Variants in LRBA observed in about 807,000 individuals in gnomAD.
The protein encoded by LRBA is lipopolysaccharide-responsive and beige-like anchor protein.
LRBA carries 176 observed loss-of-function variants against 330.0 expected under a neutral mutation model. The ratio of observed to expected loss-of-function variants is 0.53; its 90% CI spans 0.47 to 0.60. LRBA has a LOEUF of 0.60. LRBA is among the 20% of genes least tolerant of loss of function. LRBA has a pLI of 0.00. For synonymous variants in LRBA, 1,230 were observed against 1,193.0 expected (o/e 1.03, Z -0.64); for missense variants, 3,259 against 3,444.8 (o/e 0.95, Z 1.35).
chr4:150,915,043 T>C (rs991905996), intron 8 of LRBA, among the ~76,000 whole-genome samples: 2 of 152,150 alleles, frequency 1.3e-5, no homozygotes, highest in Non-Finnish European at 2.9e-5. Flanking sequence ...AGGTTAGCAT[T>C]ACAAAATATG....
In LRBA at chr4:150,697,325, GAAAAAAA is replaced by G. The variant is rs60145657; in HGVS notation, c.5755-13615_5755-13609del. On this transcript the variant is annotated intron_variant, in intron 36 of 56. Transcript: ENST00000651943. The stretch of plus-strand genomic sequence containing the variant: ...GGTGACAGAGTGAGACTTTGTCTCA[GAAAAAAA>G]AAAAAAAAAAAAAAAAAAACAGGGA... Among the ~76,000 whole-genome samples the G allele has an allele frequency of 1.3e-3, 36 of 28,054 alleles. 2 individuals are homozygous for G. Among genetic ancestry groups the G allele is most frequent in the Middle Eastern group, 0.045 (1 of 22 alleles). The allele number at this position is 28,054 out of a possible 152,430, so 18.4% of individuals were successfully genotyped here. A position where few individuals can be genotyped will look rare whatever the true frequency, so the allele number is the denominator to read the frequency against.
chr4:150,457,129 A>G (rs546632674), intron 44 of LRBA, among the ~76,000 whole-genome samples: 1 of 152,214 alleles, frequency 6.6e-6, no homozygotes, highest in South Asian at 2.1e-4. Flanking sequence ...TGCTCCCACA[A>G]TAATATGATT....
chr4:150,622,842 C>T (rs1258732873), intron 37 of LRBA, among the ~76,000 whole-genome samples: 1 of 152,014 alleles, frequency 6.6e-6, no homozygotes, highest in Non-Finnish European at 1.5e-5. Context: ...GGACTACAGG[C>T]GCCCGCCACC....
intron 40 of LRBA, among the ~76,000 whole-genome samples, chr4:150,508,222 A>G (rs1263526868): frequency 2.5e-5 from 3 of 120,694 alleles, no homozygotes; most frequent in African/African-American, 1.0e-4. Flanking sequence ...AACTTAAAAT[A>G]ATAAAATTTA....
chr4:150,727,332 C>T (rs1729839709), intron 36 of LRBA, among the ~76,000 whole-genome samples: 1 of 152,038 alleles, frequency 6.6e-6, no homozygotes. Context: ...CCTCAGCCTC[C>T]CAAAGTGCTG....
rs1042681101 is a variant in LRBA at position 150,890,820 on chromosome 4, T to C, written c.2165+2232A>G. ...AAAATTCACACACTAAGACTAAAAG[T>C]ATAAAGTATAGACTTTCCTTGCCCA... On this transcript the variant is annotated intron_variant, in intron 17 of 56. Coordinates refer to ENST00000651943, the MANE Select transcript of LRBA (RefSeq NM_001364905.1). Among the ~76,000 whole-genome samples the C allele has an allele frequency of 2.6e-5, 4 of 152,270 alleles. No individual in the cohort carries two copies. In the South Asian group the frequency reaches 6.2e-4, roughly 24 times the overall value.
chr4:150,602,335 T>C (rs1419098689), intron 37 of LRBA, among the ~76,000 whole-genome samples: 1 of 152,222 alleles, frequency 6.6e-6, no homozygotes, highest in Non-Finnish European at 1.5e-5. Context: ...GCTATTAGTC[T>C]CATTTGAGAA....
intron 4 of LRBA, among the ~76,000 whole-genome samples, chr4:150,923,297 C>G (rs1733523468): frequency 6.6e-6 from 1 of 151,974 alleles, no homozygotes; most frequent in Non-Finnish European, 1.5e-5. Context: ...TTCTTACTCT[C>G]CCCTTCTCCC....
intron 17 of LRBA, among the ~76,000 whole-genome samples, chr4:150,879,401 A>T (rs1382157717): frequency 6.6e-6 from 1 of 152,204 alleles, no homozygotes; most frequent in Admixed American, 6.5e-5. Flanking sequence ...GTAAACCCAC[A>T]GCTAACATCA....
intron 37 of LRBA, among the ~76,000 whole-genome samples, chr4:150,632,509 A>C (rs2126675879): frequency 6.6e-6 from 1 of 152,308 alleles, no homozygotes; most frequent in African/African-American, 2.4e-5. Flanking sequence ...CATCAGAACA[A>C]AAGAGAACTA....
chr4:150,550,226 C>T (rs936558028), intron 40 of LRBA, among the ~76,000 whole-genome samples: 3 of 151,998 alleles, frequency 2.0e-5, no homozygotes, highest in African/African-American at 7.2e-5. Context: ...TTTAATTGGT[C>T]AGTTAAAGTA....
intron 47 of LRBA, among the ~76,000 whole-genome samples, chr4:150,361,675 T>G (rs1738711067): frequency 1.3e-5 from 2 of 152,170 alleles, no homozygotes. Context: ...GCCTCTGGTA[T>G]AACCCAGGCT....
chr4:150,899,126 G>A (rs1730441839), intron 14 of LRBA, among the ~76,000 whole-genome samples: 1 of 152,126 alleles, frequency 6.6e-6, no homozygotes, highest in South Asian at 2.1e-4. Context: ...CTTAGGGGAT[G>A]CCTCCATTTC....
chr4:150,368,926 G>GT (rs1739872344), intron 47 of LRBA, among the ~76,000 whole-genome samples: 2 of 152,148 alleles, frequency 1.3e-5, no homozygotes, highest in South Asian at 4.1e-4. Flanking sequence ...AGATTAAACT[G>GT]TTTGGAGTGT....
At chr4:150,273,498 A>T (rs1746394031) in intron 56 of LRBA, among the ~76,000 whole-genome samples, 1 of 152,340 alleles carries the variant, frequency 6.6e-6, no homozygotes, top group South Asian at 2.1e-4. Context: ...AAATGCTCCA[A>T]TTAAAAGACA....
intron 17 of LRBA, among the ~76,000 whole-genome samples, chr4:150,873,240 A>T (rs1579061166): frequency 6.6e-6 from 1 of 152,336 alleles, no homozygotes; most frequent in East Asian, 1.9e-4. Flanking sequence ...AACTGCTAAA[A>T]ATAAATTTCT....
chr4:150,871,827 T>C (rs1282867635), intron 18 of LRBA, among the ~76,000 whole-genome samples: 5 of 152,116 alleles, frequency 3.3e-5, no homozygotes, highest in African/African-American at 1.2e-4. Context: ...AATACTTAAG[T>C]AGAAAAACAA....
chr4:150,582,924 G>A (rs995515298), intron 40 of LRBA: 2 of 1,340,366 alleles, frequency 1.5e-6, no homozygotes, highest in Non-Finnish European at 2.0e-6. Flanking sequence ...TTAACGGGGA[G>A]CGCACCGCCT....
rs1255533822 is a variant in LRBA, at chr4:150,453,084, T to C, written c.6780+14589A>G. Reference sequence around the variant, plus strand: ...GCGGAAAAGACACTATACTAAGGAATTGGAACATTCAATATTCTTAGTACT... The same window carrying C: ...GCGGAAAAGACACTATACTAAGGAACTGGAACATTCAATATTCTTAGTACT... On this transcript the variant is annotated intron_variant, in intron 44 of 56. Coordinates refer to ENST00000651943, the MANE Select transcript of LRBA (RefSeq NM_001364905.1). Among the ~76,000 whole-genome samples the C allele has an allele frequency of 3.9e-5, 6 of 152,156 alleles. No homozygotes were observed. In the South Asian group the frequency reaches 8.3e-4, roughly 21 times the overall value.
Sources: allele counts gnomAD v4.1 joint callset (sites outside exome capture counted in the v4.1 genomes callset), GRCh38; gene constraint gnomAD v4.1.1; transcripts MANE v1.5; gene names NCBI Gene and HGNC (gene_info 2026-07-23, HGNC 2026-07-21).